LDLRAD4: variants seen among roughly 807,000 people sequenced by gnomAD.
LDLRAD4 encodes low density lipoprotein receptor class A domain containing 4, also known as low-density lipoprotein receptor class A domain-containing protein 4.
Under a neutral mutation model 17.0 loss-of-function variants are expected in LDLRAD4, and 5 were observed. That is an observed-to-expected ratio of 0.29 (90% CI 0.15 to 0.62). The LOEUF is 0.62. LDLRAD4 is among the 20% of genes least tolerant of loss of function. The probability of loss-of-function intolerance (pLI) is 0.84; values close to 1 mark genes in which losing one functional copy is unlikely to be tolerated. For synonymous variants in LDLRAD4, 168 were observed against 171.8 expected (o/e 0.98, Z 0.17); for missense variants, 340 against 424.7 (o/e 0.80, Z 1.75).
chr18:13,252,842 C>T (rs928595089), intron 1 of LDLRAD4, among the ~76,000 whole-genome samples: 4 of 152,244 alleles, frequency 2.6e-5, no homozygotes, highest in Admixed American at 6.5e-5. Context: ...AGCCCTTCTG[C>T]GGAGCAGTGT....
At chr18:13,586,635 G>A (rs2094939310) in intron 3 of LDLRAD4, among the ~76,000 whole-genome samples, 1 of 151,546 alleles carries the variant, frequency 6.6e-6, no homozygotes, top group African/African-American at 2.4e-5. Context: ...AAAATCAGGG[G>A]GGAATCGTTG....
chr18:13,588,318 CTA>C (rs1182343492), intron 3 of LDLRAD4, among the ~76,000 whole-genome samples: 1 of 152,140 alleles, frequency 6.6e-6, no homozygotes, highest in Non-Finnish European at 1.5e-5. Context: ...TTGAACCTCT[CTA>C]TTCTGAATGG....
At chr18:13,558,312 C>T (rs557866680) in intron 3 of LDLRAD4, among the ~76,000 whole-genome samples, 1 of 152,286 alleles carries the variant, frequency 6.6e-6, no homozygotes, top group South Asian at 2.1e-4. Context: ...CCTGGGGATC[C>T]GCCCAGGCCA....
At chr18:13,593,416 C>T (rs893942426) in intron 3 of LDLRAD4, among the ~76,000 whole-genome samples, 81 of 150,154 alleles carry the variant, frequency 5.4e-4, no homozygotes, top group African/African-American at 1.6e-3. Flanking sequence ...GTCCTTTCCT[C>T]GCGATGCTTT....
chr18:13,352,916 G>T (rs1294884947), intron 1 of LDLRAD4, among the ~76,000 whole-genome samples: 1 of 152,002 alleles, frequency 6.6e-6, no homozygotes, highest in Non-Finnish European at 1.5e-5. Flanking sequence ...TCATTCAGTT[G>T]TGTTTTTCAG....
chr18:13,609,145 G>A (rs1438700410), intron 3 of LDLRAD4, among the ~76,000 whole-genome samples: 1 of 152,242 alleles, frequency 6.6e-6, no homozygotes, highest in Non-Finnish European at 1.5e-5. Context: ...ATATTTGTGT[G>A]TTCCACAGAC....
chr18:13,487,240 T>TG (rs1263746027), intron 3 of LDLRAD4: 1 of 152,244 alleles, frequency 6.6e-6, no homozygotes, highest in Non-Finnish European at 1.5e-5. Flanking sequence ...CCTGCTGTGC[T>TG]GGGGAAGAGC....
At position 13,429,551 on chromosome 18, in the gene LDLRAD4, G is replaced by A. The variant is rs7240976; in HGVS notation, c.41-8693G>A. On this transcript the variant is annotated intron_variant, in intron 2 of 5. Coordinates refer to ENST00000359446, the Ensembl canonical transcript of LDLRAD4. ...ATTGGAATAATTCAGAGCAGGCGAC[G>A]GAAGTACCAAAGAACTAATGTGGGA... is the stretch of plus-strand genomic sequence containing the variant. Among the ~76,000 whole-genome samples, 694 of 152,336 alleles carry A rather than the reference G, an allele frequency of 4.6e-3. 4 individuals are homozygous for A. The highest frequency in any genetic ancestry group is 0.016 in the African/African-American group (652 of 41,576).
intron 1 of LDLRAD4, among the ~76,000 whole-genome samples, chr18:13,293,484 C>T (rs1300745638): frequency 1.3e-5 from 2 of 152,166 alleles, no homozygotes; most frequent in Non-Finnish European, 2.9e-5. Context: ...AGAAGTTATG[C>T]AAACCTATGC....
At chr18:13,321,350 T>C (rs1000623086) in intron 1 of LDLRAD4, among the ~76,000 whole-genome samples, 2 of 152,252 alleles carry the variant, frequency 1.3e-5, no homozygotes, top group Non-Finnish European at 2.9e-5. Context: ...TCTCTGGGCC[T>C]ATCGCCGTGT....
At chr18:13,543,066 G>A (rs1479779822) in intron 3 of LDLRAD4, 4 of 152,112 alleles carry the variant, frequency 2.6e-5, no homozygotes, top group Admixed American at 6.5e-5. Context: ...ATGGCTCTTC[G>A]GAAGGTAATT....
chr18:13,616,040 C>T (rs2040033398), intron 3 of LDLRAD4: 1 of 152,160 alleles, frequency 6.6e-6, no homozygotes, highest in South Asian at 2.1e-4. Flanking sequence ...AACAGTTCTT[C>T]CAGAATTCAT....
intron 3 of LDLRAD4, chr18:13,613,930 C>CT (rs1327855550): frequency 1.3e-5 from 2 of 152,252 alleles, no homozygotes; most frequent in Non-Finnish European, 2.9e-5. Flanking sequence ...AAATACATGG[C>CT]TATAAACAGG....
At chr18:13,620,742 G>A (rs1165584785) in intron 3 of LDLRAD4, 6 of 248,372 alleles carry the variant, frequency 2.4e-5, no homozygotes, top group Non-Finnish European at 4.8e-5. Context: ...GGCTGAAGTT[G>A]ATTTTTCCTT....
intron 1 of LDLRAD4, among the ~76,000 whole-genome samples, chr18:13,233,936 C>T (rs2042208092): frequency 6.6e-6 from 1 of 152,144 alleles, no homozygotes; most frequent in South Asian, 2.1e-4. Context: ...TGTCCCATTC[C>T]AGTCACCAGC....
At chr18:13,457,212 T>G (rs183436968) in intron 3 of LDLRAD4, among the ~76,000 whole-genome samples, 52 of 152,316 alleles carry the variant, frequency 3.4e-4, no homozygotes, top group African/African-American at 1.1e-3. Context: ...TTGCTATGTT[T>G]GATTAATTTG....
intron 3 of LDLRAD4, among the ~76,000 whole-genome samples, chr18:13,565,409 C>G (rs1326850952): frequency 6.6e-6 from 1 of 152,220 alleles, no homozygotes; most frequent in Non-Finnish European, 1.5e-5. Flanking sequence ...CCGTGCTGGC[C>G]TGCGAGCAGC....
intron 3 of LDLRAD4, among the ~76,000 whole-genome samples, chr18:13,608,815 A>G (rs2148688978): frequency 6.6e-6 from 1 of 152,298 alleles, no homozygotes. Flanking sequence ...CCTCCTAAGG[A>G]CTGTAAACGC....
chr18:13,557,625 C>A (rs879641487), intron 3 of LDLRAD4, among the ~76,000 whole-genome samples: 2 of 152,204 alleles, frequency 1.3e-5, no homozygotes, highest in Non-Finnish European at 2.9e-5. Context: ...TGGTCTCGAT[C>A]TCCTGACCTC....
Sources: gnomAD v4.1 joint callset for allele counts (sites outside exome capture counted in the v4.1 genomes callset) on GRCh38, gnomAD v4.1.1 for gene constraint, MANE v1.5 for transcripts, NCBI Gene and HGNC (gene_info 2026-07-23, HGNC 2026-07-21) for gene names.